MACROD2: variants seen among roughly 807,000 people sequenced by gnomAD.
MACROD2 encodes the protein ADP-ribose glycohydrolase MACROD2.
In MACROD2, 36 loss-of-function variants were observed where a neutral mutation model predicts 70.4. The ratio of observed to expected loss-of-function variants is 0.51; its 90% CI spans 0.39 to 0.68. The LOEUF is 0.68. MACROD2 is among the 30% of genes least tolerant of loss of function. The pLI, the probability that MACROD2 is intolerant of heterozygous loss-of-function variation, is 0.00. For synonymous variants in MACROD2, 172 were observed against 178.8 expected (o/e 0.96, Z 0.30); for missense variants, 496 against 538.4 (o/e 0.92, Z 0.78).
intron 3 of MACROD2, among the ~76,000 whole-genome samples, chr20:14,481,423 A>G (rs433880): frequency 0.43 from 66,054 of 151,984 alleles, 16,025 homozygotes; most frequent in East Asian, 0.82. Flanking sequence ...AGATTTTGTG[A>G]GATCAAAATT....
chr20:15,561,827 C>A (rs1370323584), intron 8 of MACROD2, among the ~76,000 whole-genome samples: 1 of 152,060 alleles, frequency 6.6e-6, no homozygotes, highest in Non-Finnish European at 1.5e-5. Flanking sequence ...AAGAACAGAG[C>A]ACACTGCTGT....
Position 15,955,217 on chromosome 20 carries a change from G to A in MACROD2, c.908-12336G>A, listed in dbSNP as rs1378818406. Among the ~76,000 whole-genome samples the A allele has an allele frequency of 3.3e-5, 5 of 152,124 alleles. No individual in the cohort carries two copies. The East Asian group carries it at 9.6e-4, about 29-fold the overall frequency. Reference sequence around the variant, plus strand: ...TCAGAAGACCTATTTTAGGTACAATGAATAAACCCAATTGACTTAAATGAT... The same window carrying A: ...TCAGAAGACCTATTTTAGGTACAATAAATAAACCCAATTGACTTAAATGAT... On this transcript the variant is annotated intron_variant, in intron 12 of 17. Coordinates refer to ENST00000684519, the MANE Select transcript of MACROD2 (RefSeq NM_001351661.2).
At chr20:14,498,062 T>C (rs1170905263) in intron 4 of MACROD2, among the ~76,000 whole-genome samples, 1 of 151,736 alleles carries the variant, frequency 6.6e-6, no homozygotes, top group Non-Finnish European at 1.5e-5. Flanking sequence ...ATCTCCCTCA[T>C]TTCTGATTTG....
intron 6 of MACROD2, among the ~76,000 whole-genome samples, chr20:15,300,451 C>A (rs929027194): frequency 2.0e-5 from 3 of 152,134 alleles, no homozygotes; most frequent in African/African-American, 7.2e-5. Context: ...TTGGGAACCA[C>A]TGTTCTAACC....
chr20:15,953,634 TA>T (rs1348838668), intron 12 of MACROD2, among the ~76,000 whole-genome samples: 2 of 152,210 alleles, frequency 1.3e-5, no homozygotes, highest in African/African-American at 4.8e-5. Context: ...CTTGATTTTG[TA>T]AAAACGTTTC....
chr20:14,020,599 T>C (rs1262879173), intron 2 of MACROD2, among the ~76,000 whole-genome samples: 4 of 152,260 alleles, frequency 2.6e-5, no homozygotes, highest in Non-Finnish European at 5.9e-5. Context: ...TTGACTATTA[T>C]GTGGTAACTC....
chr20:15,881,620 T>G (rs536373147), intron 9 of MACROD2, among the ~76,000 whole-genome samples: 2 of 152,248 alleles, frequency 1.3e-5, no homozygotes, highest in African/African-American at 4.8e-5. Flanking sequence ...TCTAGAACAA[T>G]GGCTGGTTAT....
intron 5 of MACROD2, among the ~76,000 whole-genome samples, chr20:15,008,408 CAT>C (rs1223286181): frequency 1.3e-5 from 2 of 152,098 alleles, no homozygotes; most frequent in Admixed American, 6.6e-5. Context: ...ATTTTTGTAA[CAT>C]AGAGTGTTGC....
chr20:14,440,531 G>A lies in MACROD2; in HGVS notation c.272-52948G>A, dbSNP rs183831143. Among the ~76,000 whole-genome samples the A allele has an allele frequency of 5.3e-5, 8 of 152,254 alleles. No individual in the cohort carries two copies. In the East Asian group the frequency reaches 9.7e-4, roughly 18 times the overall value. On this transcript the variant is annotated intron_variant, in intron 3 of 17. Transcript: ENST00000684519. ...AGAAATTGGCTATTAAAAATTGTGA[G>A]CAAAGGAATATTGTGAGCAGATCTG...
At chr20:15,730,217 G>A (rs1036253565) in intron 8 of MACROD2, among the ~76,000 whole-genome samples, 1 of 152,208 alleles carries the variant, frequency 6.6e-6, no homozygotes, top group Admixed American at 6.5e-5. Flanking sequence ...ATACTGATAT[G>A]TACAGATTTC....
intron 5 of MACROD2, among the ~76,000 whole-genome samples, chr20:14,931,443 T>A (rs564639860): frequency 1.8e-4 from 28 of 152,268 alleles, no homozygotes; most frequent in African/African-American, 6.7e-4. Context: ...TCAGATGTTC[T>A]TCATAGATGA....
At chr20:14,325,587 A>G (rs1354578995) in intron 3 of MACROD2, 2 of 1,612,768 alleles carry the variant, frequency 1.2e-6, no homozygotes, top group Admixed American at 1.7e-5. Context: ...AGTCTGGAAT[A>G]CCACTGTCTC....
chr20:14,166,528 T>G (rs903721573), intron 3 of MACROD2, among the ~76,000 whole-genome samples: 8 of 152,206 alleles, frequency 5.3e-5, no homozygotes, highest in Non-Finnish European at 1.2e-4. Flanking sequence ...TTCTCTTTAG[T>G]TTTAATCCAC....
intron 6 of MACROD2, among the ~76,000 whole-genome samples, chr20:15,341,913 G>C (rs557412631): frequency 8.5e-5 from 13 of 152,114 alleles, no homozygotes; most frequent in Middle Eastern, 6.8e-3. Flanking sequence ...AATTAGCTAG[G>C]TGCGGTGGTG....
At chr20:14,816,809 T>G (rs1225234736) in intron 5 of MACROD2, among the ~76,000 whole-genome samples, 1 of 151,986 alleles carries the variant, frequency 6.6e-6, no homozygotes, top group Non-Finnish European at 1.5e-5. Flanking sequence ...ATTCTGGCCT[T>G]AAAACTATCA....
chr20:15,386,279 T>G (rs999566900), intron 6 of MACROD2, among the ~76,000 whole-genome samples: 28 of 152,190 alleles, frequency 1.8e-4, no homozygotes, highest in African/African-American at 6.5e-4. Flanking sequence ...ATAGTTCAAC[T>G]TACACCAGGA....
At chr20:14,773,009 G>A (rs1182339450) in intron 5 of MACROD2, among the ~76,000 whole-genome samples, 1 of 151,998 alleles carries the variant, frequency 6.6e-6, no homozygotes, top group Non-Finnish European at 1.5e-5. Context: ...TAGTGGTGAA[G>A]TGGTTGTTTC....
At chr20:15,694,718 A>G (rs1230762225) in intron 8 of MACROD2, among the ~76,000 whole-genome samples, 1 of 152,218 alleles carries the variant, frequency 6.6e-6, no homozygotes, top group African/African-American at 2.4e-5. Context: ...GCTCTTTAGT[A>G]TAATTAGGTC....
At chr20:14,062,148 T>C (rs1356251249) in intron 2 of MACROD2, among the ~76,000 whole-genome samples, 1 of 152,174 alleles carries the variant, frequency 6.6e-6, no homozygotes, top group Admixed American at 6.5e-5. Context: ...CTTTCTATTA[T>C]TGTTCACTAA....
Sources: gnomAD v4.1 joint callset for allele counts (sites outside exome capture counted in the v4.1 genomes callset) on GRCh38, gnomAD v4.1.1 for gene constraint, MANE v1.5 for transcripts, NCBI Gene and HGNC (gene_info 2026-07-23, HGNC 2026-07-21) for gene names.